The following DDX39B variants were observed in gnomAD, a reference collection of about 807,000 sequenced individuals.
DDX39B encodes spliceosome RNA helicase DDX39B.
Under a neutral mutation model 46.4 loss-of-function variants are expected in DDX39B, and 6 were observed. The ratio of observed to expected loss-of-function variants is 0.13; its 90% CI spans 0.07 to 0.26. The LOEUF (loss-of-function observed/expected upper bound fraction) is 0.26. DDX39B is among the 10% of genes least tolerant of loss of function. The pLI is 1.00. For missense variants in DDX39B, 185 were observed against 553.4 expected, an observed-to-expected ratio of 0.33 and a Z score of 6.68; for synonymous variants, 174 against 199.4, an observed-to-expected ratio of 0.87 and a Z score of 1.07.
rs6915573 is a variant in DDX39B at position 31,535,080 on chromosome 6, C to T, written c.735+287G>A. Reference sequence around the variant, plus strand: ...GGTAGGGCAGAAAAATCCTGCCCTCCCCCAAAGGGAGAAGAGGTTCAAAAA... The same window carrying T: ...GGTAGGGCAGAAAAATCCTGCCCTCTCCCAAAGGGAGAAGAGGTTCAAAAA... On this transcript the variant is annotated intron_variant, in intron 6 of 10. Transcript: ENST00000396172. The surrounding 1 kb of genome is among the most constrained non-coding windows in gnomAD (Gnocchi z 4.6). 1.4e-3 allele frequency: 678 copies of T among 469,178 alleles called. 4 individuals are homozygous for T. The highest frequency in any genetic ancestry group is 0.011 in the African/African-American group (562 of 51,170). The allele number at this position is 469,178 out of a possible 1,614,324, so 29.1% of individuals were successfully genotyped here.
chr6:31,538,915 G>A (rs1446567681), intron 3 of DDX39B, 60 bp from the exon 4 acceptor site: 1 of 1,558,180 alleles, frequency 6.4e-7, no homozygotes, highest in East Asian at 2.2e-5. Flanking sequence ...TCCCCTCTAG[G>A]GAAGTGACTG....
At chr6:31,541,671 G>T (rs751524150) in intron 1 of DDX39B, 4 of 502,086 alleles carry the variant, frequency 8.0e-6, no homozygotes, top group South Asian at 4.6e-5. Context: ...TCTCATTGAT[G>T]CTGAGGCCTC....
rs765334216 is a variant in DDX39B, at chr6:31,530,933, G to A, written c.1123-7C>T. ...ACCGGCCTGCTCTGGCCACCTGGAG[G>A]GAGACAGAGGGTAGCACTGGAAGAC... On this transcript the variant is annotated splice_region_variant and splice_polypyrimidine_tract_variant and intron_variant, in intron 9 of 10. Transcript: ENST00000396172. This position sits in a 1 kb window ranked among gnomAD's most constrained non-coding sequence, Gnocchi z 4.5. 1 of 1,614,078 alleles carries A rather than the reference G, an allele frequency of 6.2e-7. No individual in the cohort carries two copies. Among genetic ancestry groups the A allele is most frequent in the East Asian group, 2.2e-5 (1 of 44,866 alleles).
Position 31,535,054 on chromosome 6 carries a change from T to G in DDX39B, c.735+313A>C. The stretch of plus-strand genomic sequence containing the variant: ...ATGTAAGAGACGATGGATGGGTGGG[T>G]GGTAGGGCAGAAAAATCCTGCCCTC... On this transcript the variant is annotated intron_variant, in intron 6 of 10. Transcript: ENST00000396172. The surrounding 1 kb of genome is among the most constrained non-coding windows in gnomAD (Gnocchi z 4.6). 1 of 431,328 alleles carries G rather than the reference T, an allele frequency of 2.3e-6. No individual in the cohort carries two copies. Among genetic ancestry groups the G allele is most frequent in the Non-Finnish European group, 4.3e-6 (1 of 231,220 alleles). 26.7% of individuals were successfully genotyped at this position (431,328 alleles called of 1,614,324 possible). A position where few individuals can be genotyped will look rare whatever the true frequency, so the allele number is the denominator to read the frequency against.
chr6:31,532,060 G>A (rs987793988), intron 7 of DDX39B, among the ~76,000 whole-genome samples: 42 of 152,136 alleles, frequency 2.8e-4, no homozygotes, highest in African/African-American at 8.9e-4. Flanking sequence ...TTGAAGTCCT[G>A]GGCTCAAGCA....
chr6:31,540,537 G>A lies in DDX39B; in HGVS notation c.-5C>T, dbSNP rs746658701. 8 of 1,613,484 alleles carry A rather than the reference G, an allele frequency of 5.0e-6. No homozygotes were observed. The highest frequency in any genetic ancestry group is 6.8e-6 in the Non-Finnish European group (8 of 1,179,762). On this transcript the variant is annotated 5_prime_UTR_variant, in exon 2 of 11. Transcript: ENST00000396172. ...GTCCACATCGTTCTCTGCCATAACT[G>A]GGCCGGCAGGGGAAGAAGGGAAGGG...
chr6:31,534,612 G>T lies in DDX39B; in HGVS notation c.735+755C>A. On this transcript the variant is annotated intron_variant, in intron 6 of 10. Coordinates refer to ENST00000396172, the MANE Select transcript of DDX39B (RefSeq NM_004640.7). The surrounding 1 kb of genome is among the most constrained non-coding windows in gnomAD (Gnocchi z 5.1). ...TTGGGGGAAACGGGGCACGGCACGCGTTGGGTTCAGGAAAAAAACCGGGAA... is the reference window on the plus strand; with the variant it reads ...TTGGGGGAAACGGGGCACGGCACGCTTTGGGTTCAGGAAAAAAACCGGGAA... The T allele has an allele frequency of 2.5e-6, 1 of 401,486 alleles. No homozygotes were observed. Among genetic ancestry groups the T allele is most frequent in the South Asian group, 1.8e-5 (1 of 54,066 alleles). 24.9% of individuals were successfully genotyped at this position (401,486 alleles called of 1,614,324 possible).
chr6:31,540,540 C>A lies in DDX39B; in HGVS notation c.-8G>T. ...CACATCGTTCTCTGCCATAACTGGG[C>A]CGGCAGGGGAAGAAGGGAAGGGGGA... On this transcript the variant is annotated 5_prime_UTR_variant, in exon 2 of 11. Coordinates refer to ENST00000396172, the MANE Select transcript of DDX39B (RefSeq NM_004640.7). 6.2e-7 allele frequency: 1 copy of A among 1,613,456 alleles called. No homozygotes were observed. The highest frequency in any genetic ancestry group is 8.5e-7 in the Non-Finnish European group (1 of 1,179,720).
chr6:31,533,270 G>C (rs1241952459), intron 6 of DDX39B: 1 of 243,134 alleles, frequency 4.1e-6, no homozygotes, highest in East Asian at 1.3e-4. Context: ...GGGAGAGCAA[G>C]GACCAAACAT....
rs1370874610 is a variant in DDX39B, at chr6:31,534,058, G to C, written c.736-1147C>G. On this transcript the variant is annotated intron_variant, in intron 6 of 10. Coordinates refer to ENST00000396172, the MANE Select transcript of DDX39B (RefSeq NM_004640.7). The surrounding 1 kb of genome is among the most constrained non-coding windows in gnomAD (Gnocchi z 5.1). ...GGGTCTCTCTCTATCACCCAGGCTG[G>C]AGTACAGTGGCACAATTACAGCTTA... 6.4e-6 allele frequency: 1 copy of C among 156,898 alleles called. No individual in the cohort carries two copies. The highest frequency in any genetic ancestry group is 6.3e-5 in the Admixed American group (1 of 15,840). 9.7% of individuals were successfully genotyped at this position (156,898 alleles called of 1,614,324 possible). A position where few individuals can be genotyped will look rare whatever the true frequency, so the allele number is the denominator to read the frequency against.
rs536394576 is a variant in DDX39B, at chr6:31,539,003, AACAT to A, written c.339+140_339+143del. 366 of 1,513,298 alleles carry A rather than the reference AACAT, an allele frequency of 2.4e-4. 6 individuals carry two copies. In the South Asian group the frequency reaches 3.9e-3, roughly 16 times the overall value. 93.7% of individuals were successfully genotyped at this position (1,513,298 alleles called of 1,614,324 possible). ...ATCATGAACCCCACGCTTGCGACAGAACATCCCCCACAGCTGTCAGGTTGTCAAG... is the reference window on the plus strand; with the variant it reads ...ATCATGAACCCCACGCTTGCGACAGACCCCCACAGCTGTCAGGTTGTCAAG... On this transcript the variant is annotated intron_variant, in intron 3 of 10. Coordinates refer to ENST00000396172, the MANE Select transcript of DDX39B (RefSeq NM_004640.7).
At position 31,535,057 on chromosome 6, in the gene DDX39B, T is replaced by A; in HGVS notation, c.735+310A>T. The A allele has an allele frequency of 2.3e-6, 1 of 436,062 alleles. No homozygotes were observed. Among genetic ancestry groups the A allele is most frequent in the East Asian group, 4.4e-5 (1 of 22,836 alleles). The allele number at this position is 436,062 out of a possible 1,614,324, so 27.0% of individuals were successfully genotyped here. Reference sequence around the variant, plus strand: ...TAAGAGACGATGGATGGGTGGGTGGTAGGGCAGAAAAATCCTGCCCTCCCC... The same window carrying A: ...TAAGAGACGATGGATGGGTGGGTGGAAGGGCAGAAAAATCCTGCCCTCCCC... On this transcript the variant is annotated intron_variant, in intron 6 of 10. Transcript: ENST00000396172. This position sits in a 1 kb window ranked among gnomAD's most constrained non-coding sequence, Gnocchi z 4.6.
chr6:31,540,727 C>G lies in DDX39B; in HGVS notation c.-132-63G>C, dbSNP rs111541554. The stretch of plus-strand genomic sequence containing the variant: ...AGCACAGCCTTCACCACCTCTTTTC[C>G]ATCCCCAGTTCCCACTTTCCCTAAA... On this transcript the variant is annotated intron_variant, in intron 1 of 10. Coordinates refer to ENST00000396172, the MANE Select transcript of DDX39B (RefSeq NM_004640.7). The G allele has an allele frequency of 5.8e-3, 3,443 of 593,960 alleles. 93 individuals are homozygous for G. Among genetic ancestry groups the G allele is most frequent in the African/African-American group, 0.054 (2,914 of 53,850 alleles). The allele number at this position is 593,960 out of a possible 1,614,324, so 36.8% of individuals were successfully genotyped here. A position where few individuals can be genotyped will look rare whatever the true frequency, so the allele number is the denominator to read the frequency against.
At chr6:31,536,748 C>T (rs960893063) in intron 4 of DDX39B, 65 bp from the exon 5 acceptor site, 5 of 1,564,052 alleles carry the variant, frequency 3.2e-6, no homozygotes, top group Non-Finnish European at 4.3e-6. Context: ...CCCCAGGGTT[C>T]CCACTCTGTT....
chr6:31,534,227 T>C lies in DDX39B; in HGVS notation c.735+1140A>G, dbSNP rs1767517158. The C allele has an allele frequency of 1.3e-5, 3 of 230,058 alleles. No individual in the cohort carries two copies. The highest frequency in any genetic ancestry group is 6.9e-5 in the African/African-American group (3 of 43,700). The allele number at this position is 230,058 out of a possible 1,614,324, so 14.3% of individuals were successfully genotyped here. On this transcript the variant is annotated intron_variant, in intron 6 of 10. Transcript: ENST00000396172. This position sits in a 1 kb window ranked among gnomAD's most constrained non-coding sequence, Gnocchi z 5.1. Reference sequence around the variant, plus strand: ...ACTGCCCCAGCTAGTCTCAAATTCCTGGGCTCAAGCAATCCTCCCACCTTG... The same window carrying C: ...ACTGCCCCAGCTAGTCTCAAATTCCCGGGCTCAAGCAATCCTCCCACCTTG...
Position 31,531,554 on chromosome 6 carries a change from G to A in DDX39B, c.868-149C>T. The A allele has an allele frequency of 2.9e-6, 2 of 696,472 alleles. No homozygotes were observed. Among genetic ancestry groups the A allele is most frequent in the Non-Finnish European group, 4.8e-6 (2 of 413,122 alleles). The allele number at this position is 696,472 out of a possible 1,614,324, so 43.1% of individuals were successfully genotyped here. Reference sequence around the variant, plus strand: ...CTTATTCCCCCACTATATATTTAGAGCAGAAAAGGAAATATAACTTTACTT... The same window carrying A: ...CTTATTCCCCCACTATATATTTAGAACAGAAAAGGAAATATAACTTTACTT... On this transcript the variant is annotated intron_variant, in intron 7 of 10. Transcript: ENST00000396172. This position sits in a 1 kb window ranked among gnomAD's most constrained non-coding sequence, Gnocchi z 5.8.
In DDX39B at chr6:31,535,139, G is replaced by A. The variant is rs1459462957; in HGVS notation, c.735+228C>T. 3 of 591,286 alleles carry A rather than the reference G, an allele frequency of 5.1e-6. No individual in the cohort carries two copies. Among genetic ancestry groups the A allele is most frequent in the East Asian group, 2.8e-5 (1 of 35,474 alleles). The allele number at this position is 591,286 out of a possible 1,614,324, so 36.6% of individuals were successfully genotyped here. Reference sequence around the variant, plus strand: ...TTTATGAAAAAGTCGAACACTACCCGCTCTCACATTAACCCGACCAAGTCT... The same window carrying A: ...TTTATGAAAAAGTCGAACACTACCCACTCTCACATTAACCCGACCAAGTCT... On this transcript the variant is annotated intron_variant, in intron 6 of 10. Coordinates refer to ENST00000396172, the MANE Select transcript of DDX39B (RefSeq NM_004640.7). The surrounding 1 kb of genome is among the most constrained non-coding windows in gnomAD (Gnocchi z 4.6).
At position 31,534,528 on chromosome 6, in the gene DDX39B, A is replaced by G. The variant is rs753230814; in HGVS notation, c.735+839T>C. 4.3e-6 allele frequency: 2 copies of G among 469,876 alleles called. No homozygotes were observed. The highest frequency in any genetic ancestry group is 1.6e-5 in the South Asian group (1 of 64,282). 29.1% of individuals were successfully genotyped at this position (469,876 alleles called of 1,614,324 possible). A position where few individuals can be genotyped will look rare whatever the true frequency, so the allele number is the denominator to read the frequency against. On this transcript the variant is annotated intron_variant, in intron 6 of 10. Transcript: ENST00000396172. This position sits in a 1 kb window ranked among gnomAD's most constrained non-coding sequence, Gnocchi z 5.1. ...CCTCTGAGTATTAAAAAAAACAAAA[A>G]AATTTTTTTAAGAAAAAAAATCTAC...
In DDX39B at chr6:31,531,399, T is replaced by C. The variant is rs1439556909; in HGVS notation, c.874A>G (p.Ile292Val). ...LDVLEFNQVV[I>V]FVKSVQRCIA... Reference sequence around the variant, plus strand: ...CACCGCTGCACAGACTTCACAAAGATCACCACCTGTTGTGGGGTGGGGTGG... The same window carrying C: ...CACCGCTGCACAGACTTCACAAAGACCACCACCTGTTGTGGGGTGGGGTGG... The change falls in exon 8 of 11, where the codon ATC becomes GTC. Residue 292 changes from isoleucine (I) to valine (V), a missense_variant. Ile to Val is a conservative substitution (Grantham distance 29). Around this residue, in one of 5 missense-constraint regions of DDX39B, gnomAD observed 110 missense variants for 282.2 expected, o/e 0.39. Coordinates refer to ENST00000396172, the MANE Select transcript of DDX39B (RefSeq NM_004640.7). The surrounding 1 kb of genome is among the most constrained non-coding windows in gnomAD (Gnocchi z 5.8). 6 of 1,613,520 alleles carry C rather than the reference T, an allele frequency of 3.7e-6. No individual in the cohort carries two copies. The highest frequency in any genetic ancestry group is 2.7e-5 in the African/African-American group (2 of 74,774).
Sources: allele counts gnomAD v4.1 joint callset (sites outside exome capture counted in the v4.1 genomes callset), GRCh38; gene constraint gnomAD v4.1.1; regional missense constraint gnomAD v4.1.1; non-coding constraint Gnocchi (gnomAD v3.1); transcripts MANE v1.5; gene names NCBI Gene and HGNC (gene_info 2026-07-23, HGNC 2026-07-21).